The following NRXN1 variants were observed in gnomAD, a reference collection of about 807,000 sequenced individuals.
NRXN1 encodes neurexin-1.
In NRXN1, 39 loss-of-function variants were observed where a neutral mutation model predicts 150.9. The observed-to-expected ratio is 0.26, with a 90% CI of 0.20 to 0.34. The LOEUF (loss-of-function observed/expected upper bound fraction) is 0.34, where lower values mean the gene tolerates loss of function less well. NRXN1 is among the 10% of genes least tolerant of loss of function. NRXN1 has a pLI of 1.00. For missense variants in NRXN1, 1,815 were observed against 1,949.9 expected (o/e 0.93, Z 1.30); for synonymous variants, 924 against 757.0 (o/e 1.22, Z -3.62).
chr2:51,021,418 T>G (rs369294739), intron 2 of NRXN1, among the ~76,000 whole-genome samples: 5 of 152,012 alleles, frequency 3.3e-5, no homozygotes, highest in African/African-American at 1.2e-4. Context: ...GTTTTCATAA[T>G]GTAGCTAAGA....
chr2:50,669,144 T>G (rs1323957585), intron 5 of NRXN1, among the ~76,000 whole-genome samples: 6 of 151,770 alleles, frequency 4.0e-5, no homozygotes. Flanking sequence ...TAACAAACAA[T>G]GCATTTGGGG....
intron 8 of NRXN1, among the ~76,000 whole-genome samples, chr2:50,575,463 C>T (rs988124270): frequency 1.3e-5 from 2 of 152,112 alleles, no homozygotes; most frequent in Non-Finnish European, 1.5e-5. Flanking sequence ...TCTCTGCAGG[C>T]ACCTACTTCC....
At chr2:50,936,163 C>A (rs549914893) in intron 2 of NRXN1, among the ~76,000 whole-genome samples, 1 of 152,200 alleles carries the variant, frequency 6.6e-6, no homozygotes, top group South Asian at 2.1e-4. Flanking sequence ...AAGATGATTT[C>A]CAAAAGATAC....
intron 5 of NRXN1, among the ~76,000 whole-genome samples, chr2:50,864,531 A>G (rs1280951128): frequency 7.2e-5 from 11 of 152,086 alleles, no homozygotes; most frequent in Admixed American, 7.2e-4. Context: ...CATACTATGC[A>G]GCAAGCACTG....
chr2:50,534,041 C>T (rs190772175), intron 10 of NRXN1, among the ~76,000 whole-genome samples: 1 of 151,908 alleles, frequency 6.6e-6, no homozygotes, highest in Admixed American at 6.6e-5. Flanking sequence ...GCAGCAAGTG[C>T]CCCCACAATG....
At chr2:50,268,218 C>T (rs1253491872) in intron 17 of NRXN1, among the ~76,000 whole-genome samples, 1 of 151,934 alleles carries the variant, frequency 6.6e-6, no homozygotes, top group Non-Finnish European at 1.5e-5. Context: ...AAATAAAATT[C>T]TGTGAATTTA....
At chr2:50,612,774 C>G (rs929193023) in intron 8 of NRXN1, among the ~76,000 whole-genome samples, 1 of 152,112 alleles carries the variant, frequency 6.6e-6, no homozygotes, top group Admixed American at 6.5e-5. Flanking sequence ...TCAGGGATGG[C>G]ACTCACAGCC....
At chr2:50,332,588 C>T (rs1329117579) in intron 17 of NRXN1, among the ~76,000 whole-genome samples, 8 of 152,196 alleles carry the variant, frequency 5.3e-5, no homozygotes, top group Admixed American at 2.0e-4. Flanking sequence ...AAGCAAAAGG[C>T]ATTTCCAAAG....
chr2:50,806,157 G>A (rs17569028), intron 5 of NRXN1, among the ~76,000 whole-genome samples: 29,797 of 152,010 alleles, frequency 0.2, 3,003 homozygotes, highest in Non-Finnish European at 0.2. Flanking sequence ...GCAACAGCAG[G>A]CATACATTTT....
intron 2 of NRXN1, among the ~76,000 whole-genome samples, chr2:51,003,400 C>T (rs1232789748): frequency 6.6e-6 from 1 of 151,816 alleles, no homozygotes; most frequent in South Asian, 2.1e-4. Flanking sequence ...CTAAATATTC[C>T]AGGATGAGAA....
chr2:50,574,634 A>C (rs556141096), intron 8 of NRXN1, among the ~76,000 whole-genome samples: 1 of 152,274 alleles, frequency 6.6e-6, no homozygotes, highest in Admixed American at 6.5e-5. Context: ...AACTTCACCC[A>C]AGATCACTCT....
rs138637173 is a variant in NRXN1, at chr2:50,700,221, G to A, written c.833-76606C>T. On this transcript the variant is annotated intron_variant, in intron 5 of 22. Transcript: ENST00000401669. ...TAAAGTCATCTAAACTGTTAGTAGT[G>A]TCAAATGAGATTGCTCCACCACAAG... 3.5e-3 allele frequency among the ~76,000 whole-genome samples: 526 copies of A among 152,262 alleles called. 4 individuals carry two copies. Among genetic ancestry groups the A allele is most frequent in the African/African-American group, 0.011 (469 of 41,556 alleles).
intron 18 of NRXN1, among the ~76,000 whole-genome samples, chr2:50,103,412 A>C (rs1701228031): frequency 6.6e-6 from 1 of 152,030 alleles, no homozygotes; most frequent in Admixed American, 6.6e-5. Flanking sequence ...AGAAGAATGC[A>C]AAGTTTTCAC....
intron 8 of NRXN1, among the ~76,000 whole-genome samples, chr2:50,581,927 A>T (rs182977268): frequency 6.6e-6 from 1 of 152,168 alleles, no homozygotes; most frequent in Non-Finnish European, 1.5e-5. Context: ...GTGGAGAGTG[A>T]CATCTTAAAA....
chr2:50,753,252 ATAAAAT>A (rs973525318), intron 5 of NRXN1, among the ~76,000 whole-genome samples: 3 of 151,954 alleles, frequency 2.0e-5, no homozygotes, highest in East Asian at 1.9e-4. Flanking sequence ...TGAAAATAAG[ATAAAAT>A]TAAAATTAAA....
intron 8 of NRXN1, among the ~76,000 whole-genome samples, chr2:50,557,279 G>T (rs138778196): frequency 6.6e-6 from 1 of 152,160 alleles, no homozygotes; most frequent in East Asian, 1.9e-4. Context: ...TACAATGGGG[G>T]TCTTAACTTC....
At chr2:50,184,340 A>AT (rs929228360) in intron 18 of NRXN1, among the ~76,000 whole-genome samples, 2 of 151,976 alleles carry the variant, frequency 1.3e-5, no homozygotes, top group African/African-American at 4.8e-5. Flanking sequence ...AGGGATCCAC[A>AT]TTTTGTTGAA....
At chr2:50,234,307 A>G (rs1234574742) in intron 18 of NRXN1, among the ~76,000 whole-genome samples, 1 of 152,084 alleles carries the variant, frequency 6.6e-6, no homozygotes, top group Non-Finnish European at 1.5e-5. Flanking sequence ...CAGCCTGGTC[A>G]ACGTAGTGAA....
chr2:50,879,211 G>A (rs1193894825), intron 5 of NRXN1, among the ~76,000 whole-genome samples: 2 of 151,926 alleles, frequency 1.3e-5, no homozygotes, highest in East Asian at 2.0e-4. Context: ...AATTCTGCCC[G>A]AGTTTCCAGC....
Sources: allele counts gnomAD v4.1 joint callset (sites outside exome capture counted in the v4.1 genomes callset), GRCh38; gene constraint gnomAD v4.1.1; transcripts MANE v1.5; gene names NCBI Gene and HGNC (gene_info 2026-07-23, HGNC 2026-07-21).